The following CCDC124 variants were observed in gnomAD, a reference collection of about 807,000 sequenced individuals.
CCDC124 encodes coiled-coil domain containing 124.
Under a neutral mutation model 19.8 loss-of-function variants are expected in CCDC124, and 9 were observed. The ratio of observed to expected loss-of-function variants is 0.45; its 90% CI spans 0.27 to 0.79. The LOEUF is 0.79. Among genes scored for constraint, CCDC124 ranks in the 30% least tolerant of loss-of-function variants. CCDC124 has a pLI of 0.14. For missense variants in CCDC124, 285 were observed against 319.0 expected (o/e 0.89, Z 0.81); for synonymous variants, 126 against 131.3 (o/e 0.96, Z 0.27).
intron 1 of CCDC124, chr19:17,935,228 T>G (rs1398550200): frequency 6.6e-6 from 1 of 152,054 alleles, no homozygotes; most frequent in African/African-American, 2.4e-5. Context: ...TCCATTGATA[T>G]GGACTGAAAT....
intron 1 of CCDC124, among the ~76,000 whole-genome samples, chr19:17,935,530 C>T (rs956362121): frequency 8.6e-5 from 13 of 152,034 alleles, no homozygotes; most frequent in Admixed American, 5.9e-4. Flanking sequence ...AAGTGATTCT[C>T]CTGCCTCAGC....
intron 2 of CCDC124, 125 bp downstream of exon 2, chr19:17,936,704 G>T: frequency 7.9e-7 from 1 of 1,257,908 alleles, no homozygotes; most frequent in Non-Finnish European, 1.1e-6. Context: ...GGAGGGACCA[G>T]GCGCTGTCGC....
chr19:17,936,337 T>C, intron 1 of CCDC124, 73 bp from the exon 2 acceptor site: 4 of 1,305,394 alleles, frequency 3.1e-6, no homozygotes, highest in Non-Finnish European at 4.2e-6. Context: ...GCTGCCCAAG[T>C]GTGATTCTGG....
chr19:17,936,180 C>G, intron 1 of CCDC124: 1 of 424,514 alleles, frequency 2.4e-6, no homozygotes. Context: ...GCTGGGATTA[C>G]GGGTGTGAGC....
chr19:17,937,197 C>T (rs2031085377), intron 2 of CCDC124, among the ~76,000 whole-genome samples: 1 of 152,048 alleles, frequency 6.6e-6, no homozygotes, highest in South Asian at 2.1e-4. Context: ...AGGAGAATTG[C>T]TTGAACCCAG....
In CCDC124 at chr19:17,942,534, G is replaced by A. The variant is rs1232832358; in HGVS notation, c.160-122G>A. The stretch of plus-strand genomic sequence containing the variant: ...CCGGGACCTATCTTGTTCCTGGTAT[G>A]TCCCCTGCACCCAGCACAGAGCCTA... On this transcript the variant is annotated intron_variant, in intron 2 of 4. Transcript: ENST00000445755. This position sits in a 1 kb window ranked among gnomAD's most constrained non-coding sequence, Gnocchi z 4.2. 5 of 1,123,506 alleles carry A rather than the reference G, an allele frequency of 4.5e-6. No individual in the cohort carries two copies. Among genetic ancestry groups the A allele is most frequent in the Non-Finnish European group, 6.3e-6 (5 of 794,988 alleles). 69.6% of individuals were successfully genotyped at this position (1,123,506 alleles called of 1,614,324 possible).
Position 17,936,452 on chromosome 19 carries a change from A to G in CCDC124, c.32A>G (p.Lys11Arg), listed in dbSNP as rs143216242. Residue 11 changes from lysine (K) to arginine (R), a missense_variant, in exon 2 of 5, where the codon AAG becomes AGG. Transcript: ENST00000445755. ...AAGAAGTTCCAGGGTGAGAACACCAAGTCGGCAGCGGCCCGGGCACGTAGG... is the reference window on the plus strand; with the variant it reads ...AAGAAGTTCCAGGGTGAGAACACCAGGTCGGCAGCGGCCCGGGCACGTAGG... MPKKFQGENT[K>R]SAAARARRAE... The G allele has an allele frequency of 6.2e-7, 1 of 1,613,484 alleles. No individual in the cohort carries two copies. Among genetic ancestry groups the G allele is most frequent in the Non-Finnish European group, 8.5e-7 (1 of 1,179,872 alleles).
intron 1 of CCDC124, among the ~76,000 whole-genome samples, chr19:17,935,374 AGGT>A (rs955368037): frequency 3.3e-5 from 5 of 151,378 alleles, no homozygotes; most frequent in Non-Finnish European, 5.9e-5. Context: ...AACTAGACAG[AGGT>A]GGTATTTGCA....
chr19:17,943,241 T>TCTCCCCC lies in CCDC124; in HGVS notation c.350-19_350-18insTCCCCCC. 1.4e-6 allele frequency: 1 copy of TCTCCCCC among 736,678 alleles called. No homozygotes were observed. Among genetic ancestry groups the TCTCCCCC allele is most frequent in the Non-Finnish European group, 2.4e-6 (1 of 414,970 alleles). The allele number at this position is 736,678 out of a possible 1,614,324, so 45.6% of individuals were successfully genotyped here. ...CTTTGCTTATCTCTCTCTGTCTCTG[T>TCTCCCCC]CACCCACCCACCCGCCCAGCCGAGA... On this transcript the variant is annotated intron_variant, in intron 3 of 4. Transcript: ENST00000445755.
At chr19:17,936,811 T>C in intron 2 of CCDC124, 1 of 448,326 alleles carries the variant, frequency 2.2e-6, no homozygotes, top group Non-Finnish European at 3.9e-6. Flanking sequence ...TGAAACCCTG[T>C]CTCTACTAAA....
intron 2 of CCDC124, among the ~76,000 whole-genome samples, chr19:17,941,755 G>A (rs1016414142): frequency 2.0e-5 from 3 of 152,244 alleles, no homozygotes; most frequent in African/African-American, 2.4e-5. Flanking sequence ...CCTATTCTGC[G>A]ACATTCCCTT....
intron 2 of CCDC124, 67 bp downstream of exon 2, chr19:17,936,646 TGTGGGTGAATAGCGA>T: frequency 2.6e-6 from 4 of 1,541,792 alleles, no homozygotes; most frequent in Non-Finnish European, 3.5e-6. Flanking sequence ...ATTATGTCAA[TGTGGGTGAATAGCGA>T]GAGGGCCCTC....
At chr19:17,940,239 C>T (rs1033724837) in intron 2 of CCDC124, among the ~76,000 whole-genome samples, 1 of 152,052 alleles carries the variant, frequency 6.6e-6, no homozygotes, top group African/African-American at 2.4e-5. Flanking sequence ...TAAGGGACAG[C>T]AAAGCATGCC....
At chr19:17,943,164 C>T (rs1199555610) in intron 3 of CCDC124, 97 bp from the exon 4 acceptor site, 3 of 1,037,238 alleles carry the variant, frequency 2.9e-6, no homozygotes. Context: ...GCCTTCCTCC[C>T]GCCCCTAGCT....
At chr19:17,937,062 C>G (rs1175800186) in intron 2 of CCDC124, 1 of 152,252 alleles carries the variant, frequency 6.6e-6, no homozygotes, top group Admixed American at 6.6e-5. Flanking sequence ...AGGCATATCA[C>G]CTGAGGTCAG....
At chr19:17,937,774 C>T (rs2031095828) in intron 2 of CCDC124, among the ~76,000 whole-genome samples, 1 of 152,122 alleles carries the variant, frequency 6.6e-6, no homozygotes, top group South Asian at 2.1e-4. Flanking sequence ...CCCTCTGTTG[C>T]CCAGGCTGGA....
chr19:17,936,227 T>G, intron 1 of CCDC124, 183 bp from the exon 2 acceptor site: 2 of 548,722 alleles, frequency 3.6e-6, no homozygotes, highest in Middle Eastern at 4.9e-4. Context: ...TTTGGTGTCA[T>G]GATGTGAATT....
intron 3 of CCDC124, 105 bp from the exon 4 acceptor site, chr19:17,943,135 ATCCCCCCTCATCTCTCCCGCC>A (rs897685444): frequency 2.4e-6 from 2 of 837,308 alleles, no homozygotes; most frequent in African/African-American, 3.3e-5. Flanking sequence ...TCGCGATTCC[ATCCCCCCTCATCTCTCCCGCC>A]TTCCTCCCGC....
At chr19:17,938,080 C>T (rs1044868069) in intron 2 of CCDC124, among the ~76,000 whole-genome samples, 3 of 152,204 alleles carry the variant, frequency 2.0e-5, no homozygotes, top group African/African-American at 7.2e-5. Context: ...TAGCTCATGC[C>T]TGTAATCTCA....
Sources: gnomAD v4.1 joint callset for allele counts (sites outside exome capture counted in the v4.1 genomes callset) on GRCh38, gnomAD v4.1.1 for gene constraint, Gnocchi (gnomAD v3.1) non-coding constraint, MANE v1.5 for transcripts, NCBI Gene and HGNC (gene_info 2026-07-23, HGNC 2026-07-21) for gene names.